Variants in COPG1 observed in about 807,000 individuals in gnomAD.
COPG1 encodes coatomer subunit gamma-1.
A neutral mutation model predicts 102.8 loss-of-function variants in COPG1; 29 were observed. That is an observed-to-expected ratio of 0.28 (90% CI 0.21 to 0.38). The LOEUF is 0.38. COPG1 is among the 10% of genes least tolerant of loss of function. COPG1 has a pLI of 1.00. For synonymous variants in COPG1, 406 were observed against 421.6 expected (o/e 0.96, Z 0.45); for missense variants, 875 against 1,132.7 (o/e 0.77, Z 3.27).
Position 129,257,850 on chromosome 3 carries a change from G to A in COPG1, c.861G>A (p.Pro287=), listed in dbSNP as rs77129536. Residue 287 remains proline (P), a synonymous_variant, in exon 10 of 24, where the codon CCG becomes CCA. Coordinates refer to ENST00000314797, the MANE Select transcript of COPG1 (RefSeq NM_016128.4). The stretch of plus-strand genomic sequence containing the variant: ...GCTGCAGTGCCAAAGAGCTGGCCCC[G>A]GCTGTGTCAGGTCACTGGGCATTCC... ...LPGCSAKELA[P]AVSVLQLFCS... 8,360 of 1,613,242 alleles carry A rather than the reference G, an allele frequency of 5.2e-3. 161 individuals carry two copies. In the African/African-American group the frequency reaches 0.058, roughly 11 times the overall value.
At chr3:129,251,732 G>C (rs1323059778) in intron 2 of COPG1, among the ~76,000 whole-genome samples, 1 of 150,890 alleles carries the variant, frequency 6.6e-6, no homozygotes, top group East Asian at 2.0e-4. Flanking sequence ...TGTCAGCCTG[G>C]GGTGGAGTGC....
chr3:129,260,828 AC>A, intron 12 of COPG1, 21 bp downstream of exon 12: 1 of 1,609,236 alleles, frequency 6.2e-7, no homozygotes, highest in African/African-American at 1.3e-5. Context: ...CCCCCAGGAC[AC>A]CCACGGCCCC....
At chr3:129,251,212 C>T (rs148028764) in intron 2 of COPG1, among the ~76,000 whole-genome samples, 2,681 of 151,140 alleles carry the variant, frequency 0.018, 76 homozygotes, top group East Asian at 0.11. Flanking sequence ...CTTGAGCCAC[C>T]GCGCCTGGCC....
At chr3:129,265,826 A>G (rs370045033) in intron 14 of COPG1, 34 bp downstream of exon 14, 82 of 1,603,586 alleles carry the variant, frequency 5.1e-5, no homozygotes, top group Non-Finnish European at 5.6e-5. Flanking sequence ...TTGGAAACTT[A>G]GCTTACCCTT....
intron 13 of COPG1, among the ~76,000 whole-genome samples, chr3:129,264,506 C>A (rs1940012040): frequency 6.6e-6 from 1 of 152,230 alleles, no homozygotes; most frequent in Non-Finnish European, 1.5e-5. Context: ...GTACCCCTTT[C>A]ACCCAGCCCC....
chr3:129,255,570 C>T (rs1486140593), intron 7 of COPG1, among the ~76,000 whole-genome samples: 1 of 151,680 alleles, frequency 6.6e-6, no homozygotes, highest in Non-Finnish European at 1.5e-5. Flanking sequence ...GCAACCTCTG[C>T]CTCCCTGGCT....
rs576443087 is a variant in COPG1 at position 129,253,606 on chromosome 3, G to A, written c.323+651G>A. Among the ~76,000 whole-genome samples the A allele has an allele frequency of 8.5e-5, 13 of 152,312 alleles. No individual in the cohort carries two copies. In the South Asian group the frequency reaches 2.7e-3, roughly 32 times the overall value. Reference sequence around the variant, plus strand: ...GGAAGTATTATGGGCTATGAGAGCAGACCAGAAGAGCATCCAGCTTGATTA... The same window carrying A: ...GGAAGTATTATGGGCTATGAGAGCAAACCAGAAGAGCATCCAGCTTGATTA... On this transcript the variant is annotated intron_variant, in intron 5 of 23. Transcript: ENST00000314797.
At chr3:129,252,176 C>T (rs1939713394) in intron 2 of COPG1, 105 bp from the exon 3 acceptor site, 1 of 768,468 alleles carries the variant, frequency 1.3e-6, no homozygotes, top group East Asian at 2.5e-5. Flanking sequence ...CCCAGAAAGC[C>T]CTGTTTAGAC....
rs1049078639 is a variant in COPG1, at chr3:129,271,690, A to T, written c.1844-77A>T. ...AGGGTGGAACACCTTGAGAATGGTC[A>T]TGGGAATTTATTAGAAACCATCAAC... On this transcript the variant is annotated intron_variant, in intron 18 of 23. Transcript: ENST00000314797. This position sits in a 1 kb window ranked among gnomAD's most constrained non-coding sequence, Gnocchi z 4.7. 1.4e-5 allele frequency: 22 copies of T among 1,568,858 alleles called. No homozygotes were observed. In the African/African-American group the frequency reaches 2.2e-4, roughly 15 times the overall value.
chr3:129,260,046 A>G (rs1484203069), intron 10 of COPG1, among the ~76,000 whole-genome samples: 1 of 152,180 alleles, frequency 6.6e-6, no homozygotes, highest in Admixed American at 6.5e-5. Flanking sequence ...TGGTGGCTGC[A>G]AGCTATAGAA....
chr3:129,277,543 C>A lies in COPG1; in HGVS notation c.*119C>A. On this transcript the variant is annotated 3_prime_UTR_variant, in exon 24 of 24. Transcript: ENST00000314797. ...TCTGTATTGAAAAACAATTAGGAAT[C>A]ATTGCAGATTTTTTTTTATTCTGCT... 4 of 1,094,246 alleles carry A rather than the reference C, an allele frequency of 3.7e-6. No homozygotes were observed. The highest frequency in any genetic ancestry group is 3.8e-6 in the Non-Finnish European group (3 of 783,120). The allele number at this position is 1,094,246 out of a possible 1,614,324, so 67.8% of individuals were successfully genotyped here.
intron 14 of COPG1, among the ~76,000 whole-genome samples, chr3:129,266,781 T>C (rs1231013590): frequency 6.6e-6 from 1 of 152,220 alleles, no homozygotes; most frequent in Non-Finnish European, 1.5e-5. Context: ...AACCTTAGAA[T>C]GGGAGCTACT....
chr3:129,275,725 C>T lies in COPG1; in HGVS notation c.2494+433C>T, dbSNP rs1940259699. Among the ~76,000 whole-genome samples, 1 of 152,178 alleles carries T rather than the reference C, an allele frequency of 6.6e-6. No individual in the cohort carries two copies. The highest frequency in any genetic ancestry group is 1.9e-4 in the East Asian group (1 of 5,198). On this transcript the variant is annotated intron_variant, in intron 23 of 23. Coordinates refer to ENST00000314797, the MANE Select transcript of COPG1 (RefSeq NM_016128.4). This position sits in a 1 kb window ranked among gnomAD's most constrained non-coding sequence, Gnocchi z 5.0. ...ATTGTGGTAAAATATACATAAAATTCACCATTTCGACCATTTTCAAGTGTA... is the reference window on the plus strand; with the variant it reads ...ATTGTGGTAAAATATACATAAAATTTACCATTTCGACCATTTTCAAGTGTA...
At chr3:129,263,854 C>T (rs1467927341) in intron 12 of COPG1, 50 bp from the exon 13 acceptor site, 1 of 1,529,282 alleles carries the variant, frequency 6.5e-7, no homozygotes, top group Non-Finnish European at 9.1e-7. Context: ...AACTGAGTCA[C>T]CCCATCTTGG....
At chr3:129,263,146 C>T (rs1179084016) in intron 12 of COPG1, among the ~76,000 whole-genome samples, 1 of 151,694 alleles carries the variant, frequency 6.6e-6, no homozygotes, top group Non-Finnish European at 1.5e-5. Flanking sequence ...TGGGACAGTG[C>T]AAGAGCTTTT....
intron 2 of COPG1, 110 bp downstream of exon 2, chr3:129,250,844 C>T (rs1939678810): frequency 2.3e-6 from 2 of 870,054 alleles, no homozygotes; most frequent in African/African-American, 1.7e-5. Flanking sequence ...CGGGAGAAAA[C>T]TTGTGCCTGG....
intron 12 of COPG1, among the ~76,000 whole-genome samples, 168 bp from the exon 13 acceptor site, chr3:129,263,736 G>T (rs1169751941): frequency 6.8e-6 from 1 of 146,424 alleles, no homozygotes; most frequent in African/African-American, 2.8e-5. Flanking sequence ...CTCAGGGATT[G>T]TGCCCTTCAA....
chr3:129,273,095 T>C lies in COPG1; in HGVS notation c.2256+191T>C, dbSNP rs1940211284. ...TGGAGTGCAGTGGCGCGATCTCGGC[T>C]CACTGCAACCTCTGTCTCCCTGGTC... On this transcript the variant is annotated intron_variant, in intron 21 of 23. Coordinates refer to ENST00000314797, the MANE Select transcript of COPG1 (RefSeq NM_016128.4). 3.3e-5 allele frequency among the ~76,000 whole-genome samples: 5 copies of C among 152,240 alleles called. 1 individual carries two copies. The highest frequency in any genetic ancestry group is 3.3e-4 in the Admixed American group (5 of 15,284).
chr3:129,258,044 G>T (rs1038320653), intron 10 of COPG1, among the ~76,000 whole-genome samples, 184 bp downstream of exon 10: 21 of 152,246 alleles, frequency 1.4e-4, no homozygotes, highest in African/African-American at 4.8e-4. Context: ...GTGGTGGGCT[G>T]CTGTTAGTTC....
Sources: gnomAD v4.1 joint callset for allele counts (sites outside exome capture counted in the v4.1 genomes callset) on GRCh38, gnomAD v4.1.1 for gene constraint, Gnocchi (gnomAD v3.1) non-coding constraint, MANE v1.5 for transcripts, NCBI Gene and HGNC (gene_info 2026-07-23, HGNC 2026-07-21) for gene names.